The following XRCC4 variants were observed in gnomAD, a reference collection of about 807,000 sequenced individuals.
The protein encoded by XRCC4 is DNA repair protein XRCC4.
Under a neutral mutation model 39.1 loss-of-function variants are expected in XRCC4, and 28 were observed. That is an observed-to-expected ratio of 0.72 (90% CI 0.53 to 0.98). The LOEUF is 0.98. Ranked by LOEUF, XRCC4 falls within the 50% of genes least tolerant of loss-of-function variation. The probability of loss-of-function intolerance (pLI) is 0.00; values close to 1 mark genes in which losing one functional copy is unlikely to be tolerated. For missense variants in XRCC4, 350 were observed against 376.4 expected (o/e 0.93, Z 0.58); for synonymous variants, 123 against 126.4 (o/e 0.97, Z 0.18).
chr5:83,342,596 G>C (rs765907170), intron 7 of XRCC4, among the ~76,000 whole-genome samples: 32 of 152,108 alleles, frequency 2.1e-4, no homozygotes, highest in Non-Finnish European at 3.8e-4. Flanking sequence ...CATTTTGTCT[G>C]CCAGAAAGTT....
intron 3 of XRCC4, among the ~76,000 whole-genome samples, chr5:83,159,207 AATT>A (rs1331697482): frequency 2.6e-5 from 4 of 152,202 alleles, no homozygotes; most frequent in African/African-American, 9.6e-5. Context: ...AAAAAATAAT[AATT>A]ATTCATTTCA....
At chr5:83,097,825 A>G (rs1029585045) in intron 1 of XRCC4, among the ~76,000 whole-genome samples, 3 of 152,152 alleles carry the variant, frequency 2.0e-5, no homozygotes, top group Admixed American at 6.6e-5. Context: ...AAAGTTTCCA[A>G]AATGATAAGT....
At chr5:83,253,366 A>G (rs576443057) in intron 6 of XRCC4, among the ~76,000 whole-genome samples, 73 of 152,118 alleles carry the variant, frequency 4.8e-4, no homozygotes, top group Non-Finnish European at 8.1e-4. Context: ...TTGTCTGTAC[A>G]TGGCATTTGC....
chr5:83,361,894 T>C, the XRCC4 span, among the ~76,000 whole-genome samples: 1 of 152,128 alleles, frequency 6.6e-6, no homozygotes, highest in Non-Finnish European at 1.5e-5. Flanking sequence ...ATTGACAACA[T>C]ATATCCATAG....
chr5:83,256,129 A>G (rs1224354065), intron 6 of XRCC4, among the ~76,000 whole-genome samples: 1 of 152,184 alleles, frequency 6.6e-6, no homozygotes, highest in Non-Finnish European at 1.5e-5. Flanking sequence ...TGATTGAAAT[A>G]TGAATAACAA....
At chr5:83,304,019 C>A in intron 7 of XRCC4, among the ~76,000 whole-genome samples, 1 of 151,584 alleles carries the variant, frequency 6.6e-6, no homozygotes, top group Non-Finnish European at 1.5e-5. Context: ...GTGGTTAAAA[C>A]AAAAGTAATT....
At chr5:83,278,857 G>A (rs1364907116) in intron 7 of XRCC4, among the ~76,000 whole-genome samples, 2 of 150,916 alleles carry the variant, frequency 1.3e-5, no homozygotes, top group Non-Finnish European at 3.0e-5. Context: ...GCGTGGCGAC[G>A]TGTGCCTATA....
At chr5:83,343,212 G>A (rs1463431355) in intron 7 of XRCC4, among the ~76,000 whole-genome samples, 1 of 152,006 alleles carries the variant, frequency 6.6e-6, no homozygotes, top group African/African-American at 2.4e-5. Context: ...CGGTGATGAG[G>A]AGGATGAATG....
At chr5:83,091,134 C>G (rs1365367921) in intron 1 of XRCC4, among the ~76,000 whole-genome samples, 2 of 152,100 alleles carry the variant, frequency 1.3e-5, no homozygotes, top group African/African-American at 4.8e-5. Flanking sequence ...AGGCTTTATA[C>G]TCTTTTGACT....
intron 6 of XRCC4, among the ~76,000 whole-genome samples, chr5:83,222,826 C>G (rs578242990): frequency 6.6e-6 from 1 of 152,278 alleles, no homozygotes; most frequent in Admixed American, 6.5e-5. Flanking sequence ...CGGCTCACCA[C>G]AGCCTCGACT....
At chr5:83,203,461 T>C in intron 4 of XRCC4, 91 bp from the exon 5 acceptor site, 2 of 1,141,188 alleles carry the variant, frequency 1.8e-6, no homozygotes, top group Non-Finnish European at 2.4e-6. Context: ...TTAATTGTAT[T>C]TTCCTTGAAA....
chr5:83,121,791 A>AT (rs1747023257), intron 3 of XRCC4, among the ~76,000 whole-genome samples: 1 of 152,156 alleles, frequency 6.6e-6, no homozygotes, highest in Non-Finnish European at 1.5e-5. Flanking sequence ...TTGCAGACTT[A>AT]CGCTTTCATG....
intron 3 of XRCC4, among the ~76,000 whole-genome samples, chr5:83,112,575 C>G (rs1407373626): frequency 6.6e-6 from 1 of 152,172 alleles, no homozygotes; most frequent in Non-Finnish European, 1.5e-5. Flanking sequence ...GTATATTAAT[C>G]TGTTCTCACA....
chr5:83,326,462 C>A (rs1404934261), intron 7 of XRCC4, among the ~76,000 whole-genome samples: 2 of 151,856 alleles, frequency 1.3e-5, no homozygotes, highest in African/African-American at 2.4e-5. Flanking sequence ...ACATGATGTC[C>A]CTAATTTTTT....
downstream of XRCC4, among the ~76,000 whole-genome samples, chr5:83,354,303 A>G (rs1561489854): frequency 6.6e-6 from 1 of 152,144 alleles, no homozygotes; most frequent in South Asian, 2.1e-4. Context: ...CCTTTGCCCA[A>G]TAGTTAAAAG....
chr5:83,142,588 T>G (rs1748235818), intron 3 of XRCC4, among the ~76,000 whole-genome samples: 2 of 152,250 alleles, frequency 1.3e-5, no homozygotes, highest in South Asian at 2.1e-4. Context: ...GAAAGTAAAG[T>G]GTAACAGCAA....
At chr5:83,373,502 G>A in the XRCC4 span, among the ~76,000 whole-genome samples, 1 of 152,044 alleles carries the variant, frequency 6.6e-6, no homozygotes, top group African/African-American at 2.4e-5. Flanking sequence ...GAATATAGTC[G>A]TGTTTTCCAA....
At chr5:83,185,881 G>A (rs916784091) in intron 3 of XRCC4, among the ~76,000 whole-genome samples, 5 of 152,040 alleles carry the variant, frequency 3.3e-5, no homozygotes, top group African/African-American at 9.7e-5. Context: ...TTCTTTGATA[G>A]GCAAAGACCT....
intron 7 of XRCC4, among the ~76,000 whole-genome samples, chr5:83,276,002 A>G (rs560212958): frequency 7.2e-5 from 11 of 152,330 alleles, no homozygotes; most frequent in Admixed American, 5.9e-4. Flanking sequence ...GTATGATCCC[A>G]GAACTGGATT....
Sources: gnomAD v4.1 joint callset for allele counts (sites outside exome capture counted in the v4.1 genomes callset) on GRCh38, gnomAD v4.1.1 for gene constraint, MANE v1.5 for transcripts, NCBI Gene and HGNC (gene_info 2026-07-23, HGNC 2026-07-21) for gene names.